Variants in PARD3 observed in about 807,000 individuals in gnomAD.
PARD3 encodes the protein partitioning defective 3 homolog.
A neutral mutation model predicts 155.4 loss-of-function variants in PARD3; 75 were observed. The observed-to-expected ratio is 0.48, with a 90% confidence interval of 0.40 to 0.58. The LOEUF (loss-of-function observed/expected upper bound fraction) is 0.58. Ranked by LOEUF, PARD3 falls within the 20% of genes least tolerant of loss-of-function variation. The pLI, the probability that PARD3 is intolerant of heterozygous loss-of-function variation, is 0.00. For missense variants in PARD3, 1,642 were observed against 1,721.7 expected (o/e 0.95, Z 0.82); for synonymous variants, 576 against 610.5 (o/e 0.94, Z 0.83).
chr10:34,707,838 C>T (rs932925205), intron 1 of PARD3, among the ~76,000 whole-genome samples: 1 of 152,190 alleles, frequency 6.6e-6, no homozygotes, highest in African/African-American at 2.4e-5. Flanking sequence ...AGAACCCTCC[C>T]AGCACTCCCA....
At chr10:34,605,352 C>G (rs1414062660) in intron 2 of PARD3, among the ~76,000 whole-genome samples, 3 of 149,036 alleles carry the variant, frequency 2.0e-5, no homozygotes, top group African/African-American at 7.4e-5. Flanking sequence ...TACCACCACG[C>G]CTGGCTAATT....
chr10:34,773,474 A>C (rs1158603935), intron 1 of PARD3, among the ~76,000 whole-genome samples: 1 of 152,208 alleles, frequency 6.6e-6, no homozygotes, highest in African/African-American at 2.4e-5. Flanking sequence ...CCTAGGGATA[A>C]CAAGTATTAC....
chr10:34,742,730 T>TTG (rs1197069704), intron 1 of PARD3, among the ~76,000 whole-genome samples: 1 of 152,170 alleles, frequency 6.6e-6, no homozygotes, highest in East Asian at 1.9e-4. Context: ...CAAAAAGAGA[T>TTG]TGCATTCCTT....
intron 1 of PARD3, among the ~76,000 whole-genome samples, chr10:34,763,394 A>G (rs1360158034): frequency 1.3e-5 from 2 of 152,220 alleles, no homozygotes; most frequent in African/African-American, 4.8e-5. Context: ...TGTCTGTGAT[A>G]TTAAGTGGCA....
intron 16 of PARD3, among the ~76,000 whole-genome samples, chr10:34,338,564 T>C (rs1387924101): frequency 3.9e-5 from 6 of 152,188 alleles, no homozygotes; most frequent in Non-Finnish European, 7.3e-5. Flanking sequence ...GTCTTCCTCA[T>C]GTTTCTGATG....
chr10:34,681,736 A>T (rs1318314059), intron 2 of PARD3, among the ~76,000 whole-genome samples: 2 of 11,006 alleles, frequency 1.8e-4, no homozygotes, highest in South Asian at 7.2e-3. Context: ...TATTTTATAT[A>T]TATATATATA....
intron 1 of PARD3, among the ~76,000 whole-genome samples, chr10:34,749,019 T>C (rs531463526): frequency 3.2e-4 from 48 of 152,348 alleles, no homozygotes; most frequent in African/African-American, 1.1e-3. Flanking sequence ...TGTTAAATAC[T>C]AACGGCATGA....
chr10:34,583,804 C>T (rs907963786), intron 2 of PARD3, among the ~76,000 whole-genome samples: 2 of 151,992 alleles, frequency 1.3e-5, no homozygotes, highest in African/African-American at 2.4e-5. Context: ...TTTTCCCTAC[C>T]GGAAGCAGAA....
rs142698426 is a variant in PARD3 at position 34,362,740 on chromosome 10, G to A, written c.1708-2481C>T. ...AGACTCCTGGGCTCAAGCAATCCAC[G>A]CACTTTGGCTTCCCAAAGTATTGGG... is the stretch of plus-strand genomic sequence containing the variant. On this transcript the variant is annotated intron_variant, in intron 12 of 24. Coordinates refer to ENST00000374788, the MANE Select transcript of PARD3 (RefSeq NM_001184785.2). 2.7e-3 allele frequency among the ~76,000 whole-genome samples: 415 copies of A among 152,274 alleles called. 1 individual carries two copies. The highest frequency in any genetic ancestry group is 9.0e-3 in the African/African-American group (376 of 41,560).
intron 1 of PARD3, among the ~76,000 whole-genome samples, chr10:34,715,210 T>C (rs766922357): frequency 3.3e-5 from 5 of 152,018 alleles, no homozygotes; most frequent in Non-Finnish European, 7.4e-5. Flanking sequence ...TCCAAGTAGC[T>C]GAGATTACAG....
chr10:34,383,979 G>C, intron 8 of PARD3, 150 bp downstream of exon 8: 2 of 639,432 alleles, frequency 3.1e-6, no homozygotes, highest in Non-Finnish European at 5.2e-6. Flanking sequence ...TAATTACTGA[G>C]TATGTTTAAA....
At chr10:34,542,234 T>TGTGAAC in intron 2 of PARD3, among the ~76,000 whole-genome samples, 1 of 146,300 alleles carries the variant, frequency 6.8e-6, no homozygotes, top group East Asian at 2.1e-4. Context: ...TGTGTGTGTG[T>TGTGAAC]GTGTGCACAC....
intron 3 of PARD3, among the ~76,000 whole-genome samples, chr10:34,516,129 T>A (rs751099768): frequency 3.9e-5 from 6 of 152,090 alleles, no homozygotes; most frequent in Non-Finnish European, 7.4e-5. Flanking sequence ...CACGCCTGGC[T>A]AATTTTTGTA....
chr10:34,129,669 A>T (rs931428444), intron 23 of PARD3, among the ~76,000 whole-genome samples: 1 of 92,800 alleles, frequency 1.1e-5, no homozygotes, highest in Admixed American at 9.5e-5. Context: ...CCTCAAATCA[A>T]ATGTTCCTTT....
At chr10:34,677,195 A>C (rs1056829493) in intron 2 of PARD3, among the ~76,000 whole-genome samples, 1 of 152,144 alleles carries the variant, frequency 6.6e-6, no homozygotes, top group Admixed American at 6.5e-5. Context: ...AAGATGATTA[A>C]ACTGGCCAGG....
intron 20 of PARD3, among the ~76,000 whole-genome samples, chr10:34,306,423 A>T (rs1589124642): frequency 6.6e-6 from 1 of 152,088 alleles, no homozygotes; most frequent in Non-Finnish European, 1.5e-5. Context: ...AGGCCAAGGC[A>T]GGGGGATCAC....
At chr10:34,138,962 C>CA (rs57894468) in intron 22 of PARD3, among the ~76,000 whole-genome samples, 30,229 of 144,380 alleles carry the variant, frequency 0.21, 3,628 homozygotes, top group Middle Eastern at 0.39. Context: ...TACCACACTC[C>CA]AAAAAAAAAA....
At chr10:34,710,915 C>T (rs148304665) in intron 1 of PARD3, among the ~76,000 whole-genome samples, 2 of 152,246 alleles carry the variant, frequency 1.3e-5, no homozygotes, top group African/African-American at 2.4e-5. Flanking sequence ...GTAACTGGCA[C>T]GCATAACCTC....
At chr10:34,570,739 A>T (rs779169616) in intron 2 of PARD3, among the ~76,000 whole-genome samples, 1 of 152,320 alleles carries the variant, frequency 6.6e-6, no homozygotes, top group Non-Finnish European at 1.5e-5. Flanking sequence ...TCACAAACAC[A>T]CTGTCAGACA....
Sources: allele counts gnomAD v4.1 joint callset (sites outside exome capture counted in the v4.1 genomes callset), GRCh38; gene constraint gnomAD v4.1.1; transcripts MANE v1.5; gene names NCBI Gene and HGNC (gene_info 2026-07-23, HGNC 2026-07-21).